The following ARHGEF38 variants were observed in gnomAD, a reference collection of about 807,000 sequenced individuals.
ARHGEF38 encodes Rho guanine nucleotide exchange factor 38, also known as Rho guanine nucleotide exchange factor (GEF) 38.
Under a neutral mutation model 79.9 loss-of-function variants are expected in ARHGEF38, and 79 were observed. That is an observed-to-expected ratio of 0.99 (90% CI 0.82 to 1.19). The LOEUF (loss-of-function observed/expected upper bound fraction) is 1.19, where lower values mean the gene tolerates loss of function less well. Among genes scored for constraint, ARHGEF38 ranks in the 50% most tolerant of loss-of-function variants. The pLI, the probability that ARHGEF38 is intolerant of heterozygous loss-of-function variation, is 0.00. For missense variants in ARHGEF38, 962 were observed against 907.2 expected (o/e 1.06, Z -0.78); for synonymous variants, 366 against 328.3 (o/e 1.11, Z -1.24).
chr4:105,637,993 C>T (rs1384670849), intron 5 of ARHGEF38, among the ~76,000 whole-genome samples: 2 of 152,104 alleles, frequency 1.3e-5, no homozygotes. Flanking sequence ...GCCAAGTCTG[C>T]CATGAATTAT....
At chr4:105,631,530 C>T in intron 4 of ARHGEF38, 1 of 985,488 alleles carries the variant, frequency 1.0e-6, no homozygotes, top group East Asian at 1.1e-4. Flanking sequence ...AGTTTCAGAA[C>T]AATTACTCAT....
chr4:105,571,187 A>G (rs887577575), intron 1 of ARHGEF38, among the ~76,000 whole-genome samples: 2 of 152,184 alleles, frequency 1.3e-5, no homozygotes, highest in Non-Finnish European at 2.9e-5. Flanking sequence ...TGTCATGTAT[A>G]TTTTACTACA....
intron 1 of ARHGEF38, among the ~76,000 whole-genome samples, chr4:105,574,236 T>G (rs957535207): frequency 6.6e-6 from 1 of 152,090 alleles, no homozygotes; most frequent in Non-Finnish European, 1.5e-5. Flanking sequence ...AGCTAGAATT[T>G]TCAGTACTAT....
intron 2 of ARHGEF38, among the ~76,000 whole-genome samples, chr4:105,604,125 T>A (rs1578302339): frequency 6.6e-6 from 1 of 151,854 alleles, no homozygotes; most frequent in African/African-American, 2.4e-5. Context: ...AGAAAAGAGG[T>A]GCAAAGGCAA....
chr4:105,561,498 TA>T (rs1179260794), intron 1 of ARHGEF38: 19 of 142,532 alleles, frequency 1.3e-4, no homozygotes, highest in South Asian at 2.3e-4. Context: ...TAGAATAGAA[TA>T]GAATAGAATA....
intron 2 of ARHGEF38, among the ~76,000 whole-genome samples, chr4:105,590,746 G>T (rs764845271): frequency 3.9e-5 from 6 of 152,108 alleles, no homozygotes; most frequent in Non-Finnish European, 7.4e-5. Context: ...AAGTCAATAT[G>T]ATTTTAATAT....
Position 105,645,224 on chromosome 4 carries a change from G to A in ARHGEF38, c.711G>A (p.Met237Ile), listed in dbSNP as rs1402408053. Residue 237 changes from methionine (M) to isoleucine (I), a missense_variant, in exon 6 of 14, where the codon ATG becomes ATA. Coordinates refer to ENST00000420470, the MANE Select transcript of ARHGEF38 (RefSeq NM_001242729.2). ...ACTTATTGGACATGGGCTCTTTGAT[G>A]ATCAAACCAATTCAACGTGTGATGA... ...KPNLLDMGSL[M>I]IKPIQRVMKY... The A allele has an allele frequency of 7.2e-6, 11 of 1,533,568 alleles. No individual in the cohort carries two copies. Among genetic ancestry groups the A allele is most frequent in the African/African-American group, 1.4e-5 (1 of 72,956 alleles). The allele number at this position is 1,533,568 out of a possible 1,614,324, so 95.0% of individuals were successfully genotyped here.
intron 10 of ARHGEF38, among the ~76,000 whole-genome samples, chr4:105,659,886 T>TGTGTGCGTAC (rs35842406): frequency 6.6e-6 from 1 of 150,522 alleles, no homozygotes; most frequent in Non-Finnish European, 1.5e-5. Context: ...TGTGTGTGTG[T>TGTGTGCGTAC]GTAGCTTCGC....
chr4:105,651,053 A>G (rs975786058), intron 7 of ARHGEF38, among the ~76,000 whole-genome samples: 1 of 152,224 alleles, frequency 6.6e-6, no homozygotes, highest in South Asian at 2.1e-4. Flanking sequence ...TTCTGACTCA[A>G]GACAATTCTA....
intron 1 of ARHGEF38, among the ~76,000 whole-genome samples, chr4:105,556,242 C>T (rs979454160): frequency 1.3e-5 from 2 of 152,126 alleles, no homozygotes; most frequent in East Asian, 3.9e-4. Context: ...GATGCTGTGT[C>T]TTGAGGGTTA....
intron 2 of ARHGEF38, among the ~76,000 whole-genome samples, chr4:105,601,388 A>G (rs554077199): frequency 6.6e-6 from 1 of 152,260 alleles, no homozygotes; most frequent in South Asian, 2.1e-4. Flanking sequence ...CTTAGACTGG[A>G]TTCCTCAGAA....
intron 2 of ARHGEF38, among the ~76,000 whole-genome samples, chr4:105,590,216 T>C (rs1303775212): frequency 6.6e-6 from 1 of 151,702 alleles, no homozygotes; most frequent in African/African-American, 2.4e-5. Context: ...GAGTGGCAAA[T>C]GAAGACTTTT....
intron 2 of ARHGEF38, among the ~76,000 whole-genome samples, chr4:105,590,013 G>C (rs1306161540): frequency 6.7e-6 from 1 of 149,762 alleles, no homozygotes; most frequent in Admixed American, 6.7e-5. Context: ...ACTGCAGCCT[G>C]GGCAACAGAG....
chr4:105,621,647 G>A (rs1728738733), intron 3 of ARHGEF38, among the ~76,000 whole-genome samples: 1 of 152,196 alleles, frequency 6.6e-6, no homozygotes, highest in Admixed American at 6.5e-5. Flanking sequence ...TTTGTGAGAA[G>A]AGTACTAGTT....
At chr4:105,558,442 A>G (rs1725357926) in intron 1 of ARHGEF38, among the ~76,000 whole-genome samples, 1 of 152,130 alleles carries the variant, frequency 6.6e-6, no homozygotes, top group Admixed American at 6.6e-5. Context: ...ATCTGCCTTC[A>G]TACACTCTAC....
chr4:105,628,384 T>G (rs1258278651), intron 3 of ARHGEF38, among the ~76,000 whole-genome samples: 1 of 152,220 alleles, frequency 6.6e-6, no homozygotes, highest in Non-Finnish European at 1.5e-5. Flanking sequence ...GTCCCACTTC[T>G]GGGCCCTCCC....
chr4:105,565,314 C>T (rs1578258285), intron 1 of ARHGEF38, among the ~76,000 whole-genome samples: 1 of 152,176 alleles, frequency 6.6e-6, no homozygotes, highest in African/African-American at 2.4e-5. Context: ...TTATTTTCAA[C>T]CTATTTCACA....
At chr4:105,613,545 G>A (rs749496727) in intron 3 of ARHGEF38, 38 bp downstream of exon 3, 147 of 1,599,326 alleles carry the variant, frequency 9.2e-5, no homozygotes, top group Non-Finnish European at 1.2e-4. Flanking sequence ...CAATACAACA[G>A]GAAATAATTT....
At chr4:105,644,977 A>G (rs964282254) in intron 5 of ARHGEF38, among the ~76,000 whole-genome samples, 33 of 152,168 alleles carry the variant, frequency 2.2e-4, no homozygotes, top group Admixed American at 2.1e-3. Context: ...GGAAAGTTAT[A>G]CTTGTTTCTT....
Sources: allele counts gnomAD v4.1 joint callset (sites outside exome capture counted in the v4.1 genomes callset), GRCh38; gene constraint gnomAD v4.1.1; transcripts MANE v1.5; gene names NCBI Gene and HGNC (gene_info 2026-07-23, HGNC 2026-07-21).